The following TOP2A variants were observed in gnomAD, a reference collection of about 807,000 sequenced individuals.
TOP2A encodes DNA topoisomerase II alpha.
In TOP2A, 68 loss-of-function variants were observed where a neutral mutation model predicts 187.2. The ratio of observed to expected loss-of-function variants is 0.36; its 90% CI spans 0.30 to 0.44. The LOEUF (loss-of-function observed/expected upper bound fraction) is 0.44, where lower values mean the gene tolerates loss of function less well. TOP2A is among the 20% of genes least tolerant of loss of function. The pLI is 1.00. For missense variants in TOP2A, 1,196 were observed against 1,808.7 expected (o/e 0.66, Z 6.14); for synonymous variants, 542 against 593.2 (o/e 0.91, Z 1.25).
At chr17:40,416,684 A>G in intron 2 of TOP2A, 56 bp downstream of exon 2, 2 of 1,573,572 alleles carry the variant, frequency 1.3e-6, no homozygotes, top group Non-Finnish European at 8.7e-7. Context: ...AGGTACAGAA[A>G]GAAGAGTATC....
intron 27 of TOP2A, 66 bp downstream of exon 27, chr17:40,398,492 G>A (rs1453284624): frequency 2.2e-6 from 3 of 1,336,240 alleles, no homozygotes; most frequent in Admixed American, 2.4e-5. Context: ...TCTTGACAAA[G>A]GTATACTGCT....
intron 29 of TOP2A, among the ~76,000 whole-genome samples, chr17:40,394,610 G>C (rs1019687255): frequency 2.0e-5 from 3 of 152,216 alleles, no homozygotes; most frequent in African/African-American, 7.2e-5. Flanking sequence ...TGGGATTACA[G>C]GCATAAGCCA....
intron 24 of TOP2A, 135 bp downstream of exon 24, chr17:40,399,737 G>A (rs1372000618): frequency 6.2e-6 from 4 of 647,186 alleles, no homozygotes; most frequent in East Asian, 2.9e-5. Flanking sequence ...ATATTTTAAA[G>A]AAATGCGTGT....
At chr17:40,417,386 T>A (rs1231158735) in intron 1 of TOP2A, among the ~76,000 whole-genome samples, 3 of 152,076 alleles carry the variant, frequency 2.0e-5, no homozygotes, top group African/African-American at 7.2e-5. Flanking sequence ...AGAAACACTG[T>A]GCTAGGCTCT....
intron 16 of TOP2A, among the ~76,000 whole-genome samples, chr17:40,406,137 G>C (rs1357733945): frequency 6.6e-6 from 1 of 152,160 alleles, no homozygotes; most frequent in Non-Finnish European, 1.5e-5. Context: ...TTGATCTCAG[G>C]TGATCCACCT....
chr17:40,395,330 G>A, intron 29 of TOP2A, 119 bp downstream of exon 29: 4 of 388,312 alleles, frequency 1.0e-5, no homozygotes, highest in East Asian at 5.1e-5. Context: ...TTGAGATACA[G>A]TCCTCTTTCA....
At chr17:40,413,734 C>T (rs921655346) in intron 4 of TOP2A, 109 bp from the exon 5 acceptor site, 11 of 561,728 alleles carry the variant, frequency 2.0e-5, no homozygotes, top group African/African-American at 1.2e-4. Context: ...TCAGGCTGGG[C>T]GCGGTGGCCT....
chr17:40,407,438 T>G, intron 13 of TOP2A, 111 bp downstream of exon 13: 1 of 832,784 alleles, frequency 1.2e-6, no homozygotes. Flanking sequence ...TTAGAGATGA[T>G]GAATAAAGCT....
chr17:40,416,974 C>T (rs531678246), intron 1 of TOP2A, 79 bp from the exon 2 acceptor site: 21 of 1,254,948 alleles, frequency 1.7e-5, no homozygotes, highest in Admixed American at 1.0e-4. Flanking sequence ...AAATGCCTAC[C>T]ATAGTGAGAT....
chr17:40,411,660 G>A lies in TOP2A; in HGVS notation c.948C>T (p.Ser316=). 6.2e-7 allele frequency: 1 copy of A among 1,610,186 alleles called. No homozygotes were observed. Among genetic ancestry groups the A allele is most frequent in the African/African-American group, 1.3e-5 (1 of 74,776 alleles). ...ATAAAATTACCTTGGATGTAGCAAT[G>A]CTGTTGACAAAGCTAATTTGCTGAA... ...KGFQQISFVN[S]IATSKGGRHV... is the part of the protein sequence containing the mutation. The change falls in exon 8 of 35, where the codon AGC becomes AGT. Residue 316 remains serine (S), a synonymous_variant. Transcript: ENST00000423485. The surrounding 1 kb of genome is among the most constrained non-coding windows in gnomAD (Gnocchi z 4.4).
At chr17:40,409,681 A>T (rs1468324889) in intron 10 of TOP2A, 1 of 221,040 alleles carries the variant, frequency 4.5e-6, no homozygotes, top group African/African-American at 2.4e-5. Flanking sequence ...GCTACTCAGG[A>T]GGCAAGGAGA....
Position 40,392,294 on chromosome 17 carries a change from C to G in TOP2A, c.4012G>C (p.Asp1338His). The G allele has an allele frequency of 6.2e-7, 1 of 1,606,662 alleles. No individual in the cohort carries two copies. The highest frequency in any genetic ancestry group is 8.5e-7 in the Non-Finnish European group (1 of 1,175,990). Residue 1338 changes from aspartate to histidine, a missense_variant, in exon 31 of 35, where the codon GAT (aspartate) becomes CAT (histidine). Transcript: ENST00000423485. ...MDLDSDEDFS[D>H]FDEKTDDEDF... ...TCATCATCAGTTTTTTCATCAAAATCTGAGAAATCTTCATCTGAATCCAAA... is the reference window on the plus strand; with the variant it reads ...TCATCATCAGTTTTTTCATCAAAATGTGAGAAATCTTCATCTGAATCCAAA...
chr17:40,411,283 A>T lies in TOP2A; in HGVS notation c.1066-37T>A. 6.2e-7 allele frequency: 1 copy of T among 1,612,112 alleles called. No individual in the cohort carries two copies. Among genetic ancestry groups the T allele is most frequent in the Non-Finnish European group, 8.5e-7 (1 of 1,179,288 alleles). On this transcript the variant is annotated intron_variant, in intron 9 of 34. Transcript: ENST00000423485. This position sits in a 1 kb window ranked among gnomAD's most constrained non-coding sequence, Gnocchi z 4.4. ...GTTGATATTAAGCCACTAAAAATGTACTCATGCTTTATTTATAGCCTTTCT... is the reference window on the plus strand; with the variant it reads ...GTTGATATTAAGCCACTAAAAATGTTCTCATGCTTTATTTATAGCCTTTCT...
At position 40,407,205 on chromosome 17, in the gene TOP2A, A is replaced by C. The variant is rs150018732; in HGVS notation, c.1627-263T>G. 1.5e-3 allele frequency among the ~76,000 whole-genome samples: 229 copies of C among 152,352 alleles called. 1 individual carries two copies. Among genetic ancestry groups the C allele is most frequent in the African/African-American group, 5.3e-3 (219 of 41,590 alleles). Reference sequence around the variant, plus strand: ...CTTGAACCCATGAGGCGGAGGTTGCAGTGAGCCAAGATTGCACCATTGCAC... The same window carrying C: ...CTTGAACCCATGAGGCGGAGGTTGCCGTGAGCCAAGATTGCACCATTGCAC... On this transcript the variant is annotated intron_variant, in intron 13 of 34. Transcript: ENST00000423485.
chr17:40,411,128 C>T lies in TOP2A; in HGVS notation c.1184G>A (p.Ser395Asn). 1 of 1,605,698 alleles carries T rather than the reference C, an allele frequency of 6.2e-7. No homozygotes were observed. Residue 395 changes from serine to asparagine, a missense_variant, in exon 10 of 35, where the codon AGT (serine) becomes AAT (asparagine). This residue lies in a region of TOP2A where 252 missense variants were observed against 434.8 expected (regional missense o/e 0.58). Coordinates refer to ENST00000423485, the MANE Select transcript of TOP2A (RefSeq NM_001067.4). This position sits in a 1 kb window ranked among gnomAD's most constrained non-coding sequence, Gnocchi z 4.4. ...ACTCACAGCTTTGATAAATTTTTCA[C>T]TCAATTGGCATGTTGATCCAAAGCT... ...PKSFGSTCQL[S>N]EKFIKAAIGC...
At chr17:40,399,506 CTT>C (rs75225181) in intron 24 of TOP2A, among the ~76,000 whole-genome samples, 33 of 144,046 alleles carry the variant, frequency 2.3e-4, no homozygotes, top group Admixed American at 4.9e-4. Context: ...ATCTTCCTGC[CTT>C]TTTTTTTTTT....
chr17:40,417,501 A>G (rs1347091380), intron 1 of TOP2A: 1 of 1,392,344 alleles, frequency 7.2e-7, no homozygotes, highest in Non-Finnish European at 9.4e-7. Context: ...GGCCGCTGTA[A>G]CATGGATCCA....
chr17:40,394,814 T>C (rs911266886), intron 29 of TOP2A, among the ~76,000 whole-genome samples: 2 of 152,208 alleles, frequency 1.3e-5, no homozygotes, highest in Non-Finnish European at 2.9e-5. Context: ...ACTACAAACA[T>C]TACTAATATG....
rs2035031886 is a variant in TOP2A at position 40,392,233 on chromosome 17, G to C, written c.4073C>G (p.Thr1358Ser). Residue 1358 changes from threonine (T) to serine (S), a missense_variant, in exon 31 of 35, where the codon ACC becomes AGC. Physicochemically the swap from Thr to Ser is moderately conservative, Grantham distance 58 (BLOSUM62 1). Around this residue, in one of 10 missense-constraint regions of TOP2A, gnomAD observed 374 missense variants for 403.3 expected, o/e 0.93. Coordinates refer to ENST00000423485, the MANE Select transcript of TOP2A (RefSeq NM_001067.4). ...FVPSDASPPK[T>S]KTSPKLSNKE... ...AGATACTTGCTTTGGGGAAGTTTTG[G>C]TCTTAGGTGGACTAGCATCTGATGG... The C allele has an allele frequency of 6.2e-7, 1 of 1,613,190 alleles. No homozygotes were observed.
Sources: gnomAD v4.1 joint callset for allele counts (sites outside exome capture counted in the v4.1 genomes callset) on GRCh38, gnomAD v4.1.1 for gene constraint, gnomAD v4.1.1 regional missense constraint, Gnocchi (gnomAD v3.1) non-coding constraint, MANE v1.5 for transcripts, NCBI Gene and HGNC (gene_info 2026-07-23, HGNC 2026-07-21) for gene names.